The following PACS2 variants were observed in gnomAD, a reference collection of about 807,000 sequenced individuals.
PACS2 encodes the protein phosphofurin acidic cluster sorting protein 2, also known as PACS1-like protein.
In PACS2, 36 loss-of-function variants were observed where a neutral mutation model predicts 113.0. The observed-to-expected ratio is 0.32, with a 90% CI of 0.24 to 0.42. PACS2 has a LOEUF of 0.42. PACS2 is among the 10% of genes least tolerant of loss of function. PACS2 has a pLI of 1.00. For missense variants in PACS2, 1,015 were observed against 1,239.5 expected, an observed-to-expected ratio of 0.82 and a Z score of 2.72; for synonymous variants, 589 against 536.1, an observed-to-expected ratio of 1.10 and a Z score of -1.36.
chr14:105,316,619 G>T (rs2058649833), intron 1 of PACS2, among the ~76,000 whole-genome samples: 1 of 152,216 alleles, frequency 6.6e-6, no homozygotes, highest in Non-Finnish European at 1.5e-5. Flanking sequence ...GGCAGGAGGG[G>T]CCGGGGGCCT....
intron 2 of PACS2, among the ~76,000 whole-genome samples, chr14:105,349,841 G>A (rs1418988624): frequency 7.0e-6 from 1 of 143,552 alleles, no homozygotes; most frequent in Non-Finnish European, 1.5e-5. Flanking sequence ...CCAGGAGTGC[G>A]TGGCTAATGC....
chr14:105,378,939 TGC>T (rs1293210510), intron 9 of PACS2, among the ~76,000 whole-genome samples: 3 of 148,352 alleles, frequency 2.0e-5, no homozygotes, highest in Middle Eastern at 6.6e-3. Flanking sequence ...GGCCTGGATC[TGC>T]CTGAGTGGTC....
intron 1 of PACS2, among the ~76,000 whole-genome samples, chr14:105,326,921 A>G (rs2140882530): frequency 6.6e-6 from 1 of 152,154 alleles, no homozygotes; most frequent in African/African-American, 2.4e-5. Context: ...TGCAGTTTCC[A>G]GCTTGGCCCT....
chr14:105,380,297 G>A, intron 11 of PACS2, 143 bp downstream of exon 11: 1 of 706,980 alleles, frequency 1.4e-6, no homozygotes, highest in Non-Finnish European at 2.3e-6. Context: ...AGCCCTCAGG[G>A]GTGGCCAGGC....
rs2060037987 is a variant in PACS2 at position 105,348,739 on chromosome 14, G to A, written c.207+159G>A. On this transcript the variant is annotated intron_variant, in intron 2 of 24. Transcript: ENST00000447393. The surrounding 1 kb of genome is among the most constrained non-coding windows in gnomAD (Gnocchi z 6.4). Reference sequence around the variant, plus strand: ...CCCGGGGGGCTGGGAATGACAGGATGCTCCTGGGTCCAGTCCTGTCCCGCA... The same window carrying A: ...CCCGGGGGGCTGGGAATGACAGGATACTCCTGGGTCCAGTCCTGTCCCGCA... 1 of 647,976 alleles carries A rather than the reference G, an allele frequency of 1.5e-6. No individual in the cohort carries two copies. Among genetic ancestry groups the A allele is most frequent in the South Asian group, 1.6e-5 (1 of 62,720 alleles). The allele number at this position is 647,976 out of a possible 1,614,324, so 40.1% of individuals were successfully genotyped here. A position where few individuals can be genotyped will look rare whatever the true frequency, so the allele number is the denominator to read the frequency against.
Position 105,353,740 on chromosome 14 carries a change from T to C in PACS2, c.297+1273T>C, listed in dbSNP as rs376059191. Among the ~76,000 whole-genome samples, 271 of 151,796 alleles carry C rather than the reference T, an allele frequency of 1.8e-3. 1 individual carries two copies. Among genetic ancestry groups the C allele is most frequent in the South Asian group, 9.4e-3 (45 of 4,762 alleles). ...TCCCGAGCAGCTGGGATTACAGGCATGTGCCACCACGCCCGGCTATTTTTC... is the reference window on the plus strand; with the variant it reads ...TCCCGAGCAGCTGGGATTACAGGCACGTGCCACCACGCCCGGCTATTTTTC... On this transcript the variant is annotated intron_variant, in intron 3 of 24. Coordinates refer to ENST00000447393, the MANE Select transcript of PACS2 (RefSeq NM_001100913.3).
chr14:105,357,509 A>G lies in PACS2; in HGVS notation c.423+2332A>G, dbSNP rs1162955866. 6.6e-6 allele frequency among the ~76,000 whole-genome samples: 1 copy of G among 151,436 alleles called. No homozygotes were observed. The highest frequency in any genetic ancestry group is 1.5e-5 in the Non-Finnish European group (1 of 67,886). ...CCCTCGGGGCATCCTTCCACCTTCC[A>G]CTGGCAGCCTGGTCCCAGAACCTAG... is the stretch of plus-strand genomic sequence containing the variant. On this transcript the variant is annotated intron_variant, in intron 4 of 24. Coordinates refer to ENST00000447393, the MANE Select transcript of PACS2 (RefSeq NM_001100913.3). This position sits in a 1 kb window ranked among gnomAD's most constrained non-coding sequence, Gnocchi z 5.1.
intron 11 of PACS2, among the ~76,000 whole-genome samples, chr14:105,380,419 C>T (rs1351009688): frequency 6.6e-4 from 88 of 134,200 alleles, no homozygotes; most frequent in South Asian, 5.1e-4. Flanking sequence ...CCGCAGGGTC[C>T]GGATGCCCTG....
chr14:105,328,460 C>T (rs1049192544), intron 1 of PACS2, among the ~76,000 whole-genome samples: 3 of 152,194 alleles, frequency 2.0e-5, no homozygotes, highest in South Asian at 2.1e-4. Context: ...ACGGACGCTC[C>T]AGCCGCTGGG....
intron 8 of PACS2, chr14:105,371,620 C>T (rs2061157236): frequency 6.6e-6 from 1 of 152,238 alleles, no homozygotes; most frequent in Non-Finnish European, 1.5e-5. Context: ...TCCGCCACAG[C>T]TCTGAACCTG....
At chr14:105,322,479 T>C (rs1432868446) in intron 1 of PACS2, among the ~76,000 whole-genome samples, 1 of 151,938 alleles carries the variant, frequency 6.6e-6, no homozygotes, top group Non-Finnish European at 1.5e-5. Flanking sequence ...TTGGCCAGAC[T>C]GGTCTCGAAC....
At chr14:105,363,590 G>A (rs1375472590) in intron 4 of PACS2, among the ~76,000 whole-genome samples, 33 of 152,202 alleles carry the variant, frequency 2.2e-4, no homozygotes, top group Non-Finnish European at 1.5e-5. Context: ...TTGGCTTAAA[G>A]GAGTGTTGTC....
intron 24 of PACS2, chr14:105,393,562 G>T: frequency 3.2e-5 from 14 of 439,852 alleles, no homozygotes; most frequent in South Asian, 1.3e-4. Flanking sequence ...ATAATGACTT[G>T]TTTCGTTTTT....
intron 7 of PACS2, among the ~76,000 whole-genome samples, chr14:105,369,608 T>C (rs2061075096): frequency 6.6e-6 from 1 of 152,066 alleles, no homozygotes; most frequent in Non-Finnish European, 1.5e-5. Flanking sequence ...GGAAGAACCA[T>C]GGAGTCCGCA....
At chr14:105,392,236 C>T (rs1415095862) in intron 22 of PACS2, 7 of 339,478 alleles carry the variant, frequency 2.1e-5, no homozygotes, top group Admixed American at 4.7e-5. Context: ...GCTGGTGCTG[C>T]GTGCAGGGCT....
chr14:105,360,268 G>A (rs587664690), intron 4 of PACS2, among the ~76,000 whole-genome samples: 10 of 152,204 alleles, frequency 6.6e-5, no homozygotes, highest in African/African-American at 1.4e-4. Context: ...AGCTGGGTGC[G>A]GTGGCTCATG....
chr14:105,312,271 C>T (rs1347985351), upstream of PACS2, among the ~76,000 whole-genome samples: 3 of 152,194 alleles, frequency 2.0e-5, no homozygotes, highest in Non-Finnish European at 4.4e-5. Flanking sequence ...GTTGGGGCTT[C>T]GTCTTTTTAA....
chr14:105,373,709 G>A (rs1467050881), intron 8 of PACS2, among the ~76,000 whole-genome samples: 1 of 151,914 alleles, frequency 6.6e-6, no homozygotes, highest in Admixed American at 6.5e-5. Context: ...AATCACCTGA[G>A]CCCAGGAGGT....
At chr14:105,320,333 G>A (rs116421125) in intron 1 of PACS2, among the ~76,000 whole-genome samples, 2,398 of 151,960 alleles carry the variant, frequency 0.016, 65 homozygotes, top group African/African-American at 0.053. Context: ...TAAGCATGTT[G>A]TATTACCCTT....
Sources: gnomAD v4.1 joint callset for allele counts (sites outside exome capture counted in the v4.1 genomes callset) on GRCh38, gnomAD v4.1.1 for gene constraint, Gnocchi (gnomAD v3.1) non-coding constraint, MANE v1.5 for transcripts, NCBI Gene and HGNC (gene_info 2026-07-23, HGNC 2026-07-21) for gene names.